DCX: variants seen among roughly 807,000 people sequenced by gnomAD.
DCX encodes the protein neuronal migration protein doublecortin.
DCX carries 4 observed loss-of-function variants against 20.9 expected under a neutral mutation model. That is an observed-to-expected ratio of 0.19 (90% CI 0.09 to 0.44). The LOEUF (loss-of-function observed/expected upper bound fraction) is 0.44. Among genes scored for constraint, DCX ranks in the 20% least tolerant of loss-of-function variants. The probability of loss-of-function intolerance (pLI) is 0.99; values close to 1 mark genes in which losing one functional copy is unlikely to be tolerated. For missense variants in DCX, 133 were observed against 296.9 expected (o/e 0.45, Z 4.06); for synonymous variants, 103 against 111.4 (o/e 0.92, Z 0.47).
intron 3 of DCX, among the ~76,000 whole-genome samples, chrX:111,346,371 A>G (rs1187714075): frequency 8.9e-6 from 1 of 112,693 alleles, no homozygotes; most frequent in Non-Finnish European, 1.9e-5. Context: ...AATATTATTC[A>G]GCTACAAAAA....
At chrX:111,400,776 T>A (rs1282262555) in intron 3 of DCX, among the ~76,000 whole-genome samples, 1 of 112,223 alleles carries the variant, frequency 8.9e-6, no homozygotes, top group African/African-American at 3.2e-5. Flanking sequence ...TTCTGCATGG[T>A]AAATCAGAAG....
chrX:111,371,195 T>C (rs1025736994), intron 3 of DCX, among the ~76,000 whole-genome samples: 6 of 112,525 alleles, frequency 5.3e-5, no homozygotes, highest in African/African-American at 1.9e-4. Flanking sequence ...TTTTGTGACA[T>C]ACATACACCT....
At chrX:111,339,371 G>T (rs190100539) in intron 3 of DCX, among the ~76,000 whole-genome samples, 1 of 110,799 alleles carries the variant, frequency 9.0e-6, no homozygotes, top group African/African-American at 3.3e-5. Context: ...GAGTTACCAT[G>T]GGAGGAGAAC....
chrX:111,325,181 AG>A (rs2095096723), intron 5 of DCX, among the ~76,000 whole-genome samples: 1 of 111,549 alleles, frequency 9.0e-6, no homozygotes, highest in African/African-American at 3.3e-5. Flanking sequence ...AGCAGCACAA[AG>A]GAAATGACAC....
intron 3 of DCX, among the ~76,000 whole-genome samples, chrX:111,391,704 T>C (rs1232408165): frequency 1.8e-5 from 2 of 111,159 alleles, no homozygotes; most frequent in African/African-American, 6.6e-5. Flanking sequence ...CAAAAATATA[T>C]CTACCAAGTG....
chrX:111,316,272 A>T (rs1387097365), intron 5 of DCX, among the ~76,000 whole-genome samples: 1 of 110,144 alleles, frequency 9.1e-6, no homozygotes, highest in African/African-American at 3.3e-5. Flanking sequence ...TTGCTCTGCC[A>T]CCAGGCTGGA....
At chrX:111,318,361 TATAATA>T (rs201675196) in intron 5 of DCX, among the ~76,000 whole-genome samples, 67 of 100,084 alleles carry the variant, frequency 6.7e-4, no homozygotes, top group African/African-American at 2.0e-3. Context: ...AAACTTAAAG[TATAATA>T]ATAATAATAA....
chrX:111,385,864 G>A (rs997546217), intron 3 of DCX, among the ~76,000 whole-genome samples: 3 of 109,375 alleles, frequency 2.7e-5, no homozygotes, highest in Non-Finnish European at 3.8e-5. Flanking sequence ...GTTCTCCTTT[G>A]TATTCCAAAG....
chrX:111,378,786 T>A (rs961016180), intron 3 of DCX, among the ~76,000 whole-genome samples: 1 of 111,566 alleles, frequency 9.0e-6, no homozygotes, highest in African/African-American at 3.3e-5. Context: ...AAGATATGAA[T>A]GTGTTCCCTC....
At chrX:111,402,089 C>G (rs1394378621) in intron 2 of DCX, among the ~76,000 whole-genome samples, 1 of 112,194 alleles carries the variant, frequency 8.9e-6, no homozygotes, top group African/African-American at 3.2e-5. Flanking sequence ...CACCCTTCAT[C>G]TTTCCATCCT....
intron 3 of DCX, among the ~76,000 whole-genome samples, chrX:111,399,734 G>A (rs993165975): frequency 8.9e-6 from 1 of 111,878 alleles, no homozygotes; most frequent in Non-Finnish European, 1.9e-5. Flanking sequence ...ATGGTGCTTA[G>A]AAGATAGACA....
At position 111,303,232 on chromosome X, in the gene DCX, C is replaced by T. The variant is rs189147150; in HGVS notation, c.1045-1489G>A. On this transcript the variant is annotated intron_variant, in intron 6 of 6. Coordinates refer to ENST00000636035, the MANE Select transcript of DCX (RefSeq NM_001195553.2). The stretch of plus-strand genomic sequence containing the variant: ...CCTCCCGAGTAGCTGGGATTACAGG[C>T]GCCCACCACCACGCCTGGCTAATTT... Among the ~76,000 whole-genome samples, 405 of 109,402 alleles carry T rather than the reference C, an allele frequency of 3.7e-3. 3 individuals are homozygous for T. Among genetic ancestry groups the T allele is most frequent in the African/African-American group, 0.013 (385 of 30,013 alleles).
At chrX:111,375,272 G>T in intron 3 of DCX, among the ~76,000 whole-genome samples, 1 of 109,871 alleles carries the variant, frequency 9.1e-6, no homozygotes, top group East Asian at 2.9e-4. Flanking sequence ...TATTAATAAG[G>T]TCTGTGGATT....
In DCX at chrX:111,362,509, G is replaced by A. The variant is rs754166013; in HGVS notation, c.706-29356C>T. On this transcript the variant is annotated intron_variant, in intron 3 of 6. Coordinates refer to ENST00000636035, the MANE Select transcript of DCX (RefSeq NM_001195553.2). ...GTTTTCCTCCTAGCCTCCAAAGAAC[G>A]AGATGGTGCTGTGCCTGCTAATGAG... 3.6e-3 allele frequency among the ~76,000 whole-genome samples: 405 copies of A among 111,463 alleles called. 3 individuals are homozygous for A. Among genetic ancestry groups the A allele is most frequent in the African/African-American group, 0.013 (384 of 30,703 alleles).
intron 3 of DCX, among the ~76,000 whole-genome samples, chrX:111,378,274 C>A (rs931506595): frequency 4.5e-5 from 5 of 111,661 alleles, no homozygotes; most frequent in Non-Finnish European, 7.5e-5. Context: ...CCCAATATTG[C>A]AGAAGGTAAA....
chrX:111,351,453 G>C (rs966007340), intron 3 of DCX, among the ~76,000 whole-genome samples: 4 of 112,407 alleles, frequency 3.6e-5, no homozygotes, highest in Non-Finnish European at 5.6e-5. Context: ...AAAGTAAAAA[G>C]TATTTACACA....
At chrX:111,389,592 C>A (rs1675350498) in intron 3 of DCX, among the ~76,000 whole-genome samples, 1 of 111,790 alleles carries the variant, frequency 8.9e-6, no homozygotes, top group Admixed American at 9.5e-5. Context: ...GTGAGACACG[C>A]TTGTAGTCCC....
In DCX at chrX:111,385,674, A is replaced by G. The variant is rs376954187; in HGVS notation, c.705+15316T>C. 3.7e-5 allele frequency among the ~76,000 whole-genome samples: 4 copies of G among 107,247 alleles called. No individual in the cohort carries two copies. In the East Asian group the frequency reaches 8.9e-4, roughly 24 times the overall value. 93.1% of individuals were successfully genotyped at this position (107,247 alleles called of 115,157 possible). A position where few individuals can be genotyped will look rare whatever the true frequency, so the allele number is the denominator to read the frequency against. On this transcript the variant is annotated intron_variant, in intron 3 of 6. Transcript: ENST00000636035. ...CTGTCAAAAAAGAAAGAAAAGAAAAAGAAAGAAAGAGAAAGAAAGCAAGAA... is the reference window on the plus strand; with the variant it reads ...CTGTCAAAAAAGAAAGAAAAGAAAAGGAAAGAAAGAGAAAGAAAGCAAGAA...
chrX:111,388,255 T>A (rs2147244726), intron 3 of DCX, among the ~76,000 whole-genome samples: 1 of 111,831 alleles, frequency 8.9e-6, no homozygotes, highest in East Asian at 2.8e-4. Flanking sequence ...ATATCAGAGA[T>A]GGATGCTCTG....
Sources: allele counts gnomAD v4.1 joint callset (sites outside exome capture counted in the v4.1 genomes callset), GRCh38; gene constraint gnomAD v4.1.1; transcripts MANE v1.5; gene names NCBI Gene and HGNC (gene_info 2026-07-23, HGNC 2026-07-21).